Variants in TNPO1 observed in about 807,000 individuals in gnomAD.
The protein encoded by TNPO1 is transportin-1.
A neutral mutation model predicts 119.5 loss-of-function variants in TNPO1; 8 were observed. The ratio of observed to expected loss-of-function variants is 0.07; its 90% CI spans 0.04 to 0.12. The LOEUF is 0.12. TNPO1 is among the 10% of genes least tolerant of loss of function. The probability of loss-of-function intolerance (pLI) is 1.00; values close to 1 mark genes in which losing one functional copy is unlikely to be tolerated. For synonymous variants in TNPO1, 362 were observed against 363.0 expected, an observed-to-expected ratio of 1.00 and a Z score of 0.03; for missense variants, 576 against 1,089.8, an observed-to-expected ratio of 0.53 and a Z score of 6.64.
rs566031735 is a variant in TNPO1, at chr5:72,913,087, T to A, written c.*4414T>A. On this transcript the variant is annotated 3_prime_UTR_variant, in exon 25 of 25. Transcript: ENST00000337273. The stretch of plus-strand genomic sequence containing the variant: ...CAGATAGTTAAGGGCTTGGGATAAT[T>A]TAAGTGAAAAGTGAGATCAGTAATG... 6.6e-6 allele frequency: 1 copy of A among 152,490 alleles called. No homozygotes were observed. The highest frequency in any genetic ancestry group is 1.5e-5 in the Non-Finnish European group (1 of 67,938). The allele number at this position is 152,490 out of a possible 1,614,324, so 9.4% of individuals were successfully genotyped here.
intron 9 of TNPO1, among the ~76,000 whole-genome samples, chr5:72,881,834 C>T (rs750836562): frequency 2.0e-5 from 3 of 152,124 alleles, no homozygotes; most frequent in Non-Finnish European, 2.9e-5. Context: ...AGACCCTCAC[C>T]GTACCAGATA....
chr5:72,830,232 TGG>T lies in TNPO1; in HGVS notation c.15+13481_15+13482del, dbSNP rs537957643. Among the ~76,000 whole-genome samples the T allele has an allele frequency of 6.0e-3, 909 of 152,294 alleles. 6 individuals carry two copies. Among genetic ancestry groups the T allele is most frequent in the African/African-American group, 0.021 (889 of 41,556 alleles). The stretch of plus-strand genomic sequence containing the variant: ...GGGCTAGAGACTTTTGTTAGGTACG[TGG>T]CAGGCAATTTTTATTTGTAAAGCAG... On this transcript the variant is annotated intron_variant, in intron 1 of 24. Coordinates refer to ENST00000337273, the MANE Select transcript of TNPO1 (RefSeq NM_002270.4).
At chr5:72,831,628 A>G (rs972621164) in intron 1 of TNPO1, among the ~76,000 whole-genome samples, 4 of 152,036 alleles carry the variant, frequency 2.6e-5, no homozygotes, top group African/African-American at 7.2e-5. Flanking sequence ...TTATCTAAGT[A>G]AAACTTCTGT....
At chr5:72,892,098 TATATAGAGTAG>T (rs1749104119) in intron 15 of TNPO1, among the ~76,000 whole-genome samples, 1 of 152,120 alleles carries the variant, frequency 6.6e-6, no homozygotes, top group Non-Finnish European at 1.5e-5. Context: ...ATCTACTCTC[TATATAGAGTAG>T]ATAGCATACT....
chr5:72,876,245 A>AGT (rs1747762199), intron 8 of TNPO1, among the ~76,000 whole-genome samples: 1 of 152,188 alleles, frequency 6.6e-6, no homozygotes, highest in Non-Finnish European at 1.5e-5. Flanking sequence ...GTAGCAAAAG[A>AGT]GTAGGACATG....
chr5:72,851,511 C>T (rs1456371543), intron 3 of TNPO1, among the ~76,000 whole-genome samples, 192 bp downstream of exon 3: 1 of 152,096 alleles, frequency 6.6e-6, no homozygotes, highest in Non-Finnish European at 1.5e-5. Context: ...AATGTATATA[C>T]AGACAGAGTC....
intron 20 of TNPO1, among the ~76,000 whole-genome samples, chr5:72,899,425 T>G (rs1328208223): frequency 1.3e-5 from 2 of 152,102 alleles, no homozygotes; most frequent in Non-Finnish European, 2.9e-5. Context: ...GTAACAAATT[T>G]CCACTGGTTG....
At chr5:72,893,300 G>A in intron 16 of TNPO1, 54 bp downstream of exon 16, 1 of 1,605,028 alleles carries the variant, frequency 6.2e-7, no homozygotes, top group African/African-American at 1.3e-5. Flanking sequence ...TTTTTCTAAA[G>A]ATAGGTATAA....
intron 1 of TNPO1, among the ~76,000 whole-genome samples, chr5:72,818,328 A>G (rs1314363032): frequency 6.6e-6 from 1 of 152,210 alleles, no homozygotes; most frequent in East Asian, 1.9e-4. Context: ...GTAAAAATAC[A>G]TGATTCTAGT....
chr5:72,849,037 C>T (rs2112245717), intron 2 of TNPO1, among the ~76,000 whole-genome samples: 1 of 151,800 alleles, frequency 6.6e-6, no homozygotes, highest in African/African-American at 2.4e-5. Flanking sequence ...GGTTTTTCCA[C>T]GTCCTTGCCC....
At chr5:72,886,921 GT>G in intron 11 of TNPO1, 148 bp from the exon 12 acceptor site, 1 of 253,156 alleles carries the variant, frequency 4.0e-6, no homozygotes, top group Non-Finnish European at 7.0e-6. Context: ...ACCACAAAAT[GT>G]TTTCACGTGA....
At chr5:72,860,399 C>CT (rs1222809314) in intron 4 of TNPO1, among the ~76,000 whole-genome samples, 1 of 152,210 alleles carries the variant, frequency 6.6e-6, no homozygotes, top group African/African-American at 2.4e-5. Context: ...TATTATATCA[C>CT]TAATATGTTT....
intron 1 of TNPO1, among the ~76,000 whole-genome samples, chr5:72,819,847 GA>G: frequency 6.6e-6 from 1 of 152,278 alleles, no homozygotes; most frequent in East Asian, 1.9e-4. Flanking sequence ...CTTATGTTAT[GA>G]GGATTAAATG....
chr5:72,853,378 C>A (rs2112269235), intron 3 of TNPO1, among the ~76,000 whole-genome samples: 1 of 152,278 alleles, frequency 6.6e-6, no homozygotes, highest in African/African-American at 2.4e-5. Flanking sequence ...GAGGTCAAGG[C>A]TACAGTGAGC....
intron 17 of TNPO1, 31 bp from the exon 18 acceptor site, chr5:72,893,585 A>C: frequency 1.2e-6 from 2 of 1,614,218 alleles, no homozygotes; most frequent in Non-Finnish European, 1.7e-6. Context: ...TCTGTGTCAC[A>C]TTGGGGTTAA....
At chr5:72,859,837 C>T (rs147531323) in intron 4 of TNPO1, among the ~76,000 whole-genome samples, 75 of 152,250 alleles carry the variant, frequency 4.9e-4, no homozygotes, top group African/African-American at 1.8e-3. Context: ...ATTTCATTCC[C>T]GTATTTGTTA....
At chr5:72,846,762 A>T (rs1745148224) in intron 1 of TNPO1, among the ~76,000 whole-genome samples, 2 of 152,220 alleles carry the variant, frequency 1.3e-5, no homozygotes, top group Non-Finnish European at 2.9e-5. Flanking sequence ...TTCACTTTGT[A>T]AAAATCCATC....
chr5:72,879,602 C>G (rs1369554563), intron 9 of TNPO1, among the ~76,000 whole-genome samples: 1 of 152,178 alleles, frequency 6.6e-6, no homozygotes, highest in African/African-American at 2.4e-5. Context: ...TCAAGCAATT[C>G]ATACTGCTTG....
At chr5:72,882,000 A>G (rs548206711) in intron 9 of TNPO1, among the ~76,000 whole-genome samples, 1 of 152,162 alleles carries the variant, frequency 6.6e-6, no homozygotes, top group Non-Finnish European at 1.5e-5. Flanking sequence ...ACTCTTCATT[A>G]TCTTAACATT....
Sources: gnomAD v4.1 joint callset for allele counts (sites outside exome capture counted in the v4.1 genomes callset) on GRCh38, gnomAD v4.1.1 for gene constraint, MANE v1.5 for transcripts, NCBI Gene and HGNC (gene_info 2026-07-23, HGNC 2026-07-21) for gene names.